Variants in ETS1 observed in about 807,000 individuals in gnomAD.
ETS1 encodes protein C-ets-1.
In ETS1, 15 loss-of-function variants were observed where a neutral mutation model predicts 58.6. The observed-to-expected ratio is 0.26, with a 90% CI of 0.17 to 0.39. The LOEUF (loss-of-function observed/expected upper bound fraction) is 0.39. ETS1 is among the 10% of genes least tolerant of loss of function. ETS1 has a pLI of 1.00. For synonymous variants in ETS1, 214 were observed against 218.2 expected, an observed-to-expected ratio of 0.98 and a Z score of 0.17; for missense variants, 417 against 610.5, an observed-to-expected ratio of 0.68 and a Z score of 3.34.
At chr11:128,580,604 C>G (rs946302792) in intron 1 of ETS1, among the ~76,000 whole-genome samples, 63 of 152,334 alleles carry the variant, frequency 4.1e-4, no homozygotes, top group African/African-American at 1.4e-3. Flanking sequence ...ATTTGCTTGA[C>G]TAAGTAATCC....
At chr11:128,576,612 C>T (rs527825726) in intron 1 of ETS1, among the ~76,000 whole-genome samples, 2 of 152,226 alleles carry the variant, frequency 1.3e-5, no homozygotes, top group East Asian at 3.9e-4. Context: ...AGGACCTGCG[C>T]CACCTGAGCC....
chr11:128,575,472 T>G (rs1202584900), intron 1 of ETS1, among the ~76,000 whole-genome samples: 1 of 152,234 alleles, frequency 6.6e-6, no homozygotes, highest in East Asian at 1.9e-4. Flanking sequence ...TGTTAGTGGC[T>G]TGTTTATTCA....
At chr11:128,539,396 G>A (rs1404114060) in intron 3 of ETS1, among the ~76,000 whole-genome samples, 1 of 152,176 alleles carries the variant, frequency 6.6e-6, no homozygotes, top group Non-Finnish European at 1.5e-5. Context: ...GATTTTAATA[G>A]ACATTTCTCC....
At chr11:128,538,401 C>T (rs1047763984) in intron 3 of ETS1, among the ~76,000 whole-genome samples, 12 of 152,226 alleles carry the variant, frequency 7.9e-5, no homozygotes, top group South Asian at 4.1e-4. Context: ...TCACAAATTG[C>T]GCACATAGTG....
intron 8 of ETS1, among the ~76,000 whole-genome samples, chr11:128,471,688 A>G (rs1862191690): frequency 6.6e-6 from 1 of 152,210 alleles, no homozygotes; most frequent in African/African-American, 2.4e-5. Context: ...GGGGATAAGA[A>G]TTTTGTTATA....
intron 1 of ETS1, among the ~76,000 whole-genome samples, chr11:128,577,461 C>T (rs759905579): frequency 3.9e-5 from 6 of 152,228 alleles, no homozygotes; most frequent in Non-Finnish European, 5.9e-5. Flanking sequence ...AGAATTTAAG[C>T]TCCCCAAGGG....
intron 3 of ETS1, among the ~76,000 whole-genome samples, chr11:128,499,288 G>A (rs535614166): frequency 2.8e-4 from 42 of 152,228 alleles, no homozygotes; most frequent in African/African-American, 9.4e-4. Context: ...AGATGCTGAT[G>A]AATTGGGCTA....
intron 1 of ETS1, among the ~76,000 whole-genome samples, chr11:128,587,259 A>G (rs542952445): frequency 5.6e-4 from 85 of 152,122 alleles, no homozygotes; most frequent in African/African-American, 2.0e-3. Context: ...AGCAGGGAAC[A>G]TTTTTAAAAA....
chr11:128,490,934 G>A (rs1028490742), intron 3 of ETS1, among the ~76,000 whole-genome samples: 1 of 151,888 alleles, frequency 6.6e-6, no homozygotes, highest in African/African-American at 2.4e-5. Context: ...TGGCCAGGCT[G>A]GTCTCGAGCT....
chr11:128,479,667 T>C (rs1317436562), intron 8 of ETS1, among the ~76,000 whole-genome samples: 1 of 152,194 alleles, frequency 6.6e-6, no homozygotes, highest in Non-Finnish European at 1.5e-5. Context: ...GCATTCTCTA[T>C]AGGCCAGGAT....
intron 3 of ETS1, chr11:128,521,957 A>T: frequency 6.2e-7 from 1 of 1,607,186 alleles, no homozygotes. Context: ...CGTCTTGATG[A>T]TGGTGAGAGT....
Position 128,464,712 on chromosome 11 carries a change from G to A in ETS1, c.1124-1085C>T, listed in dbSNP as rs73582805. ...CTCACTAAGGCTCTAATTTTTCACC[G>A]GAGTTGCAAATTTGTCTGATCCAAA... On this transcript the variant is annotated intron_variant, in intron 8 of 9. Transcript: ENST00000392668. The surrounding 1 kb of genome is among the most constrained non-coding windows in gnomAD (Gnocchi z 4.1). Among the ~76,000 whole-genome samples, 696 of 152,170 alleles carry A rather than the reference G, an allele frequency of 4.6e-3. 5 individuals carry two copies. Among genetic ancestry groups the A allele is most frequent in the African/African-American group, 0.016 (656 of 41,536 alleles).
chr11:128,501,304 T>C (rs1362287652), intron 3 of ETS1, among the ~76,000 whole-genome samples: 5 of 152,194 alleles, frequency 3.3e-5, no homozygotes, highest in Non-Finnish European at 7.3e-5. Flanking sequence ...TCTTACTCCA[T>C]AAGCTTTGAC....
chr11:128,539,436 C>G (rs571696515), intron 3 of ETS1, among the ~76,000 whole-genome samples: 3 of 152,110 alleles, frequency 2.0e-5, no homozygotes, highest in Non-Finnish European at 4.4e-5. Context: ...CTGGTAAACA[C>G]GTGAGAAAAG....
intron 2 of ETS1, among the ~76,000 whole-genome samples, chr11:128,557,812 C>T (rs1296668971): frequency 6.6e-6 from 1 of 152,174 alleles, no homozygotes; most frequent in Non-Finnish European, 1.5e-5. Flanking sequence ...GGTATTCTCA[C>T]CCCTGAAGAC....
intron 3 of ETS1, among the ~76,000 whole-genome samples, chr11:128,517,826 G>A (rs556217326): frequency 1.3e-5 from 2 of 152,208 alleles, no homozygotes; most frequent in African/African-American, 2.4e-5. Flanking sequence ...GGAGGGAGGC[G>A]ATGCTCCTAC....
At chr11:128,559,158 G>C (rs1397751976) in intron 2 of ETS1, among the ~76,000 whole-genome samples, 1 of 152,222 alleles carries the variant, frequency 6.6e-6, no homozygotes, top group African/African-American at 2.4e-5. Flanking sequence ...TGCTAGGGTG[G>C]TGGGAACCTA....
intron 3 of ETS1, among the ~76,000 whole-genome samples, chr11:128,542,973 G>A (rs1864077828): frequency 6.6e-6 from 1 of 152,058 alleles, no homozygotes; most frequent in African/African-American, 2.4e-5. Flanking sequence ...AGGAGTTCAG[G>A]ACCAGCCTGG....
intron 5 of ETS1, among the ~76,000 whole-genome samples, chr11:128,488,235 G>A (rs879625790): frequency 5.9e-5 from 9 of 152,042 alleles, no homozygotes; most frequent in Admixed American, 3.3e-4. Context: ...TGCCATCCTC[G>A]GTAAAAGCAG....
Sources: allele counts gnomAD v4.1 joint callset (sites outside exome capture counted in the v4.1 genomes callset), GRCh38; gene constraint gnomAD v4.1.1; non-coding constraint Gnocchi (gnomAD v3.1); transcripts MANE v1.5; gene names NCBI Gene and HGNC (gene_info 2026-07-23, HGNC 2026-07-21).